Variants in COL12A1 observed in about 807,000 individuals in gnomAD.
The protein encoded by COL12A1 is collagen type XII alpha 1 chain.
In COL12A1, 114 loss-of-function variants were observed where a neutral mutation model predicts 349.7. The observed-to-expected ratio is 0.33, with a 90% confidence interval of 0.28 to 0.38. The LOEUF (loss-of-function observed/expected upper bound fraction) is 0.38, where lower values mean the gene tolerates loss of function less well. Ranked by LOEUF, COL12A1 falls within the 10% of genes least tolerant of loss-of-function variation. The pLI is 1.00. For missense variants in COL12A1, 3,284 were observed against 3,756.9 expected (o/e 0.87, Z 3.29); for synonymous variants, 1,369 against 1,329.0 (o/e 1.03, Z -0.66).
chr6:75,157,441 GA>G (rs201243585), intron 14 of COL12A1, among the ~76,000 whole-genome samples: 4,875 of 141,350 alleles, frequency 0.034, 115 homozygotes, highest in South Asian at 0.1. Context: ...AAGAAACCCA[GA>G]AAAAAAAAAA....
chr6:75,124,929 T>G (rs559215291), intron 40 of COL12A1, among the ~76,000 whole-genome samples, 198 bp downstream of exon 40: 1 of 152,318 alleles, frequency 6.6e-6, no homozygotes, highest in South Asian at 2.1e-4. Flanking sequence ...CACAAATTTC[T>G]CACCATATAT....
Position 75,109,100 on chromosome 6 carries a change from T to C in COL12A1, c.8018A>G (p.Asp2673Gly). Residue 2673 changes from aspartate to glycine, a missense_variant, in exon 52 of 66, where the codon GAC (aspartate) becomes GGC (glycine). By Grantham distance (94) the Asp-to-Gly change is moderately conservative. Transcript: ENST00000322507. Reference protein sequence around the residue: ...YIDCYEIIEKDIKEAGNITTD... With the variant: ...YIDCYEIIEKGIKEAGNITTD... ...TGTTATATTTCCAGCTTCCTTGATGTCTTTTTCTATAATTTCATAGCAGTC... is the reference window on the plus strand; with the variant it reads ...TGTTATATTTCCAGCTTCCTTGATGCCTTTTTCTATAATTTCATAGCAGTC... The C allele has an allele frequency of 6.2e-7, 1 of 1,610,570 alleles. No individual in the cohort carries two copies. Among genetic ancestry groups the C allele is most frequent in the Middle Eastern group, 1.7e-4 (1 of 6,034 alleles).
chr6:75,203,959 A>T (rs1770652674), intron 1 of COL12A1, among the ~76,000 whole-genome samples: 1 of 152,232 alleles, frequency 6.6e-6, no homozygotes, highest in South Asian at 2.1e-4. Context: ...CCTCTTTGAG[A>T]AAAGAAACTG....
At chr6:75,136,583 A>G (rs1026026305) in intron 31 of COL12A1, among the ~76,000 whole-genome samples, 2 of 152,224 alleles carry the variant, frequency 1.3e-5, no homozygotes, top group Admixed American at 1.3e-4. Context: ...TTAAAGGTTA[A>G]TAACACATGT....
At chr6:75,131,052 C>T in intron 35 of COL12A1, 71 bp from the exon 36 acceptor site, 1 of 1,582,910 alleles carries the variant, frequency 6.3e-7, no homozygotes, top group Non-Finnish European at 8.7e-7. Flanking sequence ...AGTTAGTCAT[C>T]ACAATAGTAT....
chr6:75,130,962 G>T lies in COL12A1; in HGVS notation c.5957C>A (p.Thr1986Lys). Residue 1986 changes from threonine (T) to lysine (K), a missense_variant, in exon 36 of 66, where the codon ACG (threonine) becomes AAG (lysine). By Grantham distance (78) the Thr-to-Lys change is moderately conservative. Around this residue, in one of 2 missense-constraint regions of COL12A1, gnomAD observed 2,601 missense variants for 2,824.8 expected, o/e 0.92. Transcript: ENST00000322507. ...PSESIVVPGN[T>K]RMVHLERLIP... ...CAGCCGCTCCAGATGCACCATGCGC[G>T]TGTTTCCTGGCACTACTATCTGCAG... 6.2e-7 allele frequency: 1 copy of T among 1,614,092 alleles called. No individual in the cohort carries two copies. The highest frequency in any genetic ancestry group is 8.5e-7 in the Non-Finnish European group (1 of 1,179,998).
chr6:75,174,588 C>A (rs2149450994), intron 13 of COL12A1, among the ~76,000 whole-genome samples: 1 of 152,220 alleles, frequency 6.6e-6, no homozygotes, highest in East Asian at 1.9e-4. Context: ...TCTTATATTT[C>A]TTGAGCTTTT....
In COL12A1 at chr6:75,112,106, G is replaced by A. The variant is rs370932323; in HGVS notation, c.7950+1098C>T. On this transcript the variant is annotated intron_variant, in intron 51 of 65. Transcript: ENST00000322507. ...ACACTGGAGAAATTTTAAAGCATCT[G>A]TGCAACAACTGGTATTCCTGTTAAC... 8.9e-4 allele frequency among the ~76,000 whole-genome samples: 135 copies of A among 151,888 alleles called. No individual in the cohort carries two copies. The Middle Eastern group carries it at 0.017, about 19-fold the overall frequency.
At position 75,165,783 on chromosome 6, in the gene COL12A1, G is replaced by A. The variant is rs760743068; in HGVS notation, c.2711-4C>T. The A allele has an allele frequency of 6.2e-7, 1 of 1,610,310 alleles. No homozygotes were observed. The highest frequency in any genetic ancestry group is 8.5e-7 in the Non-Finnish European group (1 of 1,178,250). Reference sequence around the variant, plus strand: ...AAATCTTGAGGAGAACCACGTTCTAGAACAGAAATTAAAAGGGAATCTTTT... The same window carrying A: ...AAATCTTGAGGAGAACCACGTTCTAAAACAGAAATTAAAAGGGAATCTTTT... On this transcript the variant is annotated splice_polypyrimidine_tract_variant and splice_region_variant and intron_variant, in intron 13 of 65. Coordinates refer to ENST00000322507, the MANE Select transcript of COL12A1 (RefSeq NM_004370.6).
chr6:75,147,012 A>T (rs1767227572), intron 23 of COL12A1, among the ~76,000 whole-genome samples: 1 of 152,176 alleles, frequency 6.6e-6, no homozygotes, highest in Non-Finnish European at 1.5e-5. Context: ...ACCAAGAAGC[A>T]AGAAGTAGGA....
rs368868136 is a variant in COL12A1, at chr6:75,151,880, C to T, written c.3987G>A (p.Glu1329=). ...TTCAGTGCGTACCAATAGCAAACAG[C>T]TCCACTCCCTCATCCTTGAGTTTCT... ...PSKKLKDEGV[E]LFAIGIKNAD... The change falls in exon 20 of 66, where the codon GAG becomes GAA. Residue 1329 remains glutamate, a synonymous_variant. Coordinates refer to ENST00000322507, the MANE Select transcript of COL12A1 (RefSeq NM_004370.6). 8 of 1,613,616 alleles carry T rather than the reference C, an allele frequency of 5.0e-6. No individual in the cohort carries two copies. The highest frequency in any genetic ancestry group is 6.8e-6 in the Non-Finnish European group (8 of 1,179,694).
intron 46 of COL12A1, among the ~76,000 whole-genome samples, chr6:75,118,751 C>G (rs531158995): frequency 8.5e-5 from 13 of 152,334 alleles, no homozygotes; most frequent in Admixed American, 6.5e-4. Context: ...GAAGCCTGCT[C>G]TAGCATCATC....
chr6:75,140,275 C>A (rs1030494634), intron 27 of COL12A1, among the ~76,000 whole-genome samples: 20 of 151,982 alleles, frequency 1.3e-4, no homozygotes, highest in Non-Finnish European at 2.6e-4. Flanking sequence ...GAACTTAAGC[C>A]AGGAAAATAA....
rs964262021 is a variant in COL12A1 at position 75,085,325 on chromosome 6, G to T, written c.*1222C>A. ...GCTCCACCGGCACGATGAAGGGCTC[G>T]CGCTCAGGCAGGTAGGCCCCGCCCT... On this transcript the variant is annotated 3_prime_UTR_variant, in exon 66 of 66. Transcript: ENST00000322507. The T allele has an allele frequency of 4.2e-6, 2 of 470,944 alleles. No individual in the cohort carries two copies. The highest frequency in any genetic ancestry group is 2.3e-5 in the Admixed American group (1 of 42,566). 29.2% of individuals were successfully genotyped at this position (470,944 alleles called of 1,614,324 possible).
chr6:75,112,712 CTT>C (rs1321596867), intron 51 of COL12A1, among the ~76,000 whole-genome samples: 1 of 151,524 alleles, frequency 6.6e-6, no homozygotes, highest in Admixed American at 6.6e-5. Flanking sequence ...ATATTGATAA[CTT>C]TTGGATTGAT....
chr6:75,164,822 G>T (rs80030438), intron 14 of COL12A1, among the ~76,000 whole-genome samples: 1,893 of 151,314 alleles, frequency 0.013, 34 homozygotes, highest in African/African-American at 0.044. Context: ...ATTATGATAG[G>T]TAATTCATAA....
rs200600352 is a variant in COL12A1, at chr6:75,089,411, A to G, written c.8942-237T>C. 4.6e-5 allele frequency among the ~76,000 whole-genome samples: 7 copies of G among 152,370 alleles called. No homozygotes were observed. The East Asian group carries it at 1.3e-3, about 29-fold the overall frequency. The stretch of plus-strand genomic sequence containing the variant: ...AGGGGAAAAATTATTTGAAGCAAAC[A>G]AACATGTCTAATATATTTTTAAATA... On this transcript the variant is annotated intron_variant, in intron 63 of 65. Coordinates refer to ENST00000322507, the MANE Select transcript of COL12A1 (RefSeq NM_004370.6).
intron 31 of COL12A1, among the ~76,000 whole-genome samples, chr6:75,135,329 T>C (rs1766543472): frequency 6.6e-6 from 1 of 152,220 alleles, no homozygotes; most frequent in Admixed American, 6.5e-5. Flanking sequence ...ATAAAGCTCT[T>C]GGTGTTTCCC....
Position 75,134,074 on chromosome 6 carries a change from C to T in COL12A1, c.5525-77G>A, listed in dbSNP as rs952630355. On this transcript the variant is annotated intron_variant, in intron 32 of 65. Transcript: ENST00000322507. Reference sequence around the variant, plus strand: ...ATGAAACACAGATTCACTGATATCTCCCAGGCACCCTAGAACATAGCAGGC... The same window carrying T: ...ATGAAACACAGATTCACTGATATCTTCCAGGCACCCTAGAACATAGCAGGC... The T allele has an allele frequency of 2.0e-6, 3 of 1,486,988 alleles. No individual in the cohort carries two copies. In the African/African-American group the frequency reaches 4.2e-5, roughly 21 times the overall value. 92.1% of individuals were successfully genotyped at this position (1,486,988 alleles called of 1,614,324 possible). A position where few individuals can be genotyped will look rare whatever the true frequency, so the allele number is the denominator to read the frequency against.
Sources: allele counts gnomAD v4.1 joint callset (sites outside exome capture counted in the v4.1 genomes callset), GRCh38; gene constraint gnomAD v4.1.1; regional missense constraint gnomAD v4.1.1; transcripts MANE v1.5; gene names NCBI Gene and HGNC (gene_info 2026-07-23, HGNC 2026-07-21).